FAM174C: variants seen among roughly 807,000 people sequenced by gnomAD.
FAM174C encodes the protein protein FAM174C.
A neutral mutation model predicts 12.3 loss-of-function variants in FAM174C; 19 were observed. The ratio of observed to expected loss-of-function variants is 1.55; its 90% CI spans 1.08 to 2.27. The LOEUF is 2.27. Ranked by LOEUF, FAM174C falls within the 30% of genes most tolerant of loss-of-function variation. The pLI, the probability that FAM174C is intolerant of heterozygous loss-of-function variation, is 0.00. For synonymous variants in FAM174C, 147 were observed against 103.5 expected, an observed-to-expected ratio of 1.42 and a Z score of -2.55; for missense variants, 239 against 190.2, an observed-to-expected ratio of 1.26 and a Z score of -1.51.
chr19:1,275,685 A>G lies in FAM174C; in HGVS notation c.136A>G (p.Thr46Ala). Residue 46 changes from threonine (T) to alanine (A), a missense_variant, in exon 1 of 3, where the codon ACG (threonine) becomes GCG (alanine). Physicochemically the swap from Thr to Ala is moderately conservative, Grantham distance 58 (BLOSUM62 0). Transcript: ENST00000409293. ...QVTLSPPPAV[T>A]NGSQPGAPHN... ...CACGTTGTCGCCGCCGCCGGCCGTGACGAACGGGAGCCAGCCGGGCGCGCC... is the reference window on the plus strand; with the variant it reads ...CACGTTGTCGCCGCCGCCGGCCGTGGCGAACGGGAGCCAGCCGGGCGCGCC... 6.8e-7 allele frequency: 1 copy of G among 1,467,614 alleles called. No homozygotes were observed. Among genetic ancestry groups the G allele is most frequent in the Non-Finnish European group, 8.9e-7 (1 of 1,120,726 alleles). 90.9% of individuals were successfully genotyped at this position (1,467,614 alleles called of 1,614,324 possible).
At chr19:1,275,886 T>C in intron 1 of FAM174C, 56 bp downstream of exon 1, 12 of 1,471,926 alleles carry the variant, frequency 8.2e-6, no homozygotes, top group Non-Finnish European at 1.1e-5. Context: ...AGCGCGCGCC[T>C]AGTGCGTCAC....
At chr19:1,277,434 C>A (rs1568848537) in intron 2 of FAM174C, 135 bp downstream of exon 2, 5 of 1,348,980 alleles carry the variant, frequency 3.7e-6, no homozygotes, top group Non-Finnish European at 3.9e-6. Context: ...GCCATGGCCC[C>A]ACTGGGCAGG....
rs1279194124 is a variant in FAM174C at position 1,275,735 on chromosome 19, G to T, written c.186G>T (p.Pro62=). The change falls in exon 1 of 3, where the codon CCG becomes CCT. Residue 62 remains proline, a synonymous_variant. Transcript: ENST00000409293. ...GAPHNSTHTR[P]PGASGSALTR... ...CACACAACAGCACGCACACGCGTCC[G>T]CCGGGGGCGTCGGGCTCGGCGCTGA... The T allele has an allele frequency of 2.0e-6, 3 of 1,533,840 alleles. No individual in the cohort carries two copies. The highest frequency in any genetic ancestry group is 2.0e-5 in the Admixed American group (1 of 50,472).
At chr19:1,277,321 T>C in intron 2 of FAM174C, 22 bp downstream of exon 2, 3 of 1,530,052 alleles carry the variant, frequency 2.0e-6, no homozygotes, top group Middle Eastern at 1.7e-4. Flanking sequence ...TCCCCAGCTC[T>C]GGGGCCTCGG....
chr19:1,277,325 G>A, intron 2 of FAM174C, 26 bp downstream of exon 2: 1 of 1,528,612 alleles, frequency 6.5e-7, no homozygotes, highest in Non-Finnish European at 8.9e-7. Flanking sequence ...CAGCTCTGGG[G>A]CCTCGGTGGG....
At position 1,275,761 on chromosome 19, in the gene FAM174C, C is replaced by CG; in HGVS notation, c.213dup (p.Arg72AlafsTer23). ...CCGGGGGCGTCGGGCTCGGCGCTGA[C>CG]GCGCTCCTTCTACGTGATCCTGGGC... On this transcript the variant is annotated frameshift_variant, in exon 1 of 3. Transcript: ENST00000409293. LOFTEE classifies it high-confidence loss of function. The CG allele has an allele frequency of 6.5e-7, 1 of 1,538,970 alleles. No homozygotes were observed. The highest frequency in any genetic ancestry group is 8.7e-7 in the Non-Finnish European group (1 of 1,145,910).
At position 1,277,086 on chromosome 19, in the gene FAM174C, C is replaced by A. The variant is rs954284705; in HGVS notation, c.282-97C>A. 2.4e-5 allele frequency: 35 copies of A among 1,449,346 alleles called. No homozygotes were observed. The African/African-American group carries it at 3.4e-4, about 14-fold the overall frequency. 89.8% of individuals were successfully genotyped at this position (1,449,346 alleles called of 1,614,324 possible). ...AACCAGGGAGGTCTGCAGCAGGGCT[C>A]GGGGCTCCAGTAGAGGACGGCAATG... is the stretch of plus-strand genomic sequence containing the variant. On this transcript the variant is annotated intron_variant, in intron 1 of 2. Transcript: ENST00000409293.
chr19:1,275,873 A>G, intron 1 of FAM174C, 43 bp downstream of exon 1: 1 of 1,517,380 alleles, frequency 6.6e-7, no homozygotes, highest in Non-Finnish European at 8.8e-7. Context: ...GCCTTGGCCA[A>G]TTAGCGCGCG....
In FAM174C at chr19:1,278,984, C is replaced by T; in HGVS notation, c.*207C>T. On this transcript the variant is annotated 3_prime_UTR_variant, in exon 3 of 3. Transcript: ENST00000409293. ...CACCTGCACCCACCGCTGGACCATG[C>T]AGCCTCGCCTCCTGGATGCTGTCCC... 5 of 1,612,310 alleles carry T rather than the reference C, an allele frequency of 3.1e-6. No individual in the cohort carries two copies. Among genetic ancestry groups the T allele is most frequent in the Non-Finnish European group, 3.4e-6 (4 of 1,179,960 alleles).
At chr19:1,275,891 C>T (rs918322481) in intron 1 of FAM174C, 61 bp downstream of exon 1, 71 of 1,463,968 alleles carry the variant, frequency 4.8e-5, no homozygotes, top group Non-Finnish European at 6.2e-5. Flanking sequence ...GCGCCTAGTG[C>T]GTCACGTGCC....
At chr19:1,277,966 G>C (rs1429279602) in intron 2 of FAM174C, 1 of 152,384 alleles carries the variant, frequency 6.6e-6, no homozygotes, top group Non-Finnish European at 1.5e-5. Context: ...GTAGAGACAG[G>C]GTTTCACCAT....
chr19:1,275,970 T>G (rs1376930277), intron 1 of FAM174C, 140 bp downstream of exon 1: 3 of 799,902 alleles, frequency 3.8e-6, no homozygotes, highest in Admixed American at 5.7e-5. Flanking sequence ...GCGTGGGCGG[T>G]GCTGTGCGGG....
chr19:1,275,855 G>A (rs962327733), intron 1 of FAM174C, 25 bp downstream of exon 1: 70 of 1,531,190 alleles, frequency 4.6e-5, no homozygotes, highest in Non-Finnish European at 6.1e-5. Flanking sequence ...CGTGGGCGCC[G>A]TCTCTCAGCC....
Position 1,275,804 on chromosome 19 carries a change from G to T in FAM174C, c.255G>T (p.Ala85=), listed in dbSNP as rs925364734. ...TCCTGGGCTTCTGCGGCCTGACCGC[G>T]CTCTACTTCCTGATCCGGGCGTTTA... The part of the protein sequence containing the change: ...YVILGFCGLT[A]LYFLIRAFRL... The change falls in exon 1 of 3, where the codon GCG becomes GCT. Residue 85 remains alanine, a synonymous_variant. Coordinates refer to ENST00000409293, the MANE Select transcript of FAM174C (RefSeq NM_017914.4). 1 of 1,538,050 alleles carries T rather than the reference G, an allele frequency of 6.5e-7. No individual in the cohort carries two copies. Among genetic ancestry groups the T allele is most frequent in the Admixed American group, 2.0e-5 (1 of 50,970 alleles).
rs1327946361 is a variant in FAM174C, at chr19:1,275,814, C to A, written c.265C>A (p.Leu89Met). ...GFCGLTALYFLIRAFRLKKPQ... is the reference protein window; with the variant it reads ...GFCGLTALYFMIRAFRLKKPQ... ...CTGCGGCCTGACCGCGCTCTACTTC[C>A]TGATCCGGGCGTTTAGGTGCGTCAG... Residue 89 changes from leucine to methionine, a missense_variant, in exon 1 of 3, where the codon CTG becomes ATG. Transcript: ENST00000409293. The A allele has an allele frequency of 1.3e-6, 2 of 1,537,418 alleles. No individual in the cohort carries two copies. The highest frequency in any genetic ancestry group is 1.7e-6 in the Non-Finnish European group (2 of 1,146,252).
intron 2 of FAM174C, 55 bp downstream of exon 2, chr19:1,277,354 C>T (rs1279941278): frequency 1.3e-6 from 2 of 1,519,404 alleles, no homozygotes; most frequent in East Asian, 2.5e-5. Context: ...GCTGGAGACT[C>T]AGCAGGACCC....
intron 1 of FAM174C, 99 bp from the exon 2 acceptor site, chr19:1,277,084 C>G: frequency 6.9e-7 from 1 of 1,447,512 alleles, no homozygotes; most frequent in Non-Finnish European, 9.2e-7. Flanking sequence ...TGCAGCAGGG[C>G]TCGGGGCTCC....
rs749720427 is a variant in FAM174C, at chr19:1,278,855, C to T, written c.*78C>T. 6 of 1,613,006 alleles carry T rather than the reference C, an allele frequency of 3.7e-6. No individual in the cohort carries two copies. In the Admixed American group the frequency reaches 5.0e-5, roughly 13 times the overall value. On this transcript the variant is annotated 3_prime_UTR_variant, in exon 3 of 3. Transcript: ENST00000409293. ...TGGGGCCCACCCCAGTGCCCAGCAA[C>T]CCCCTGCTCCACCGCTCATTCCCCT... is the stretch of plus-strand genomic sequence containing the variant.
chr19:1,276,889 G>A lies in FAM174C; in HGVS notation c.282-294G>A, dbSNP rs143394250. The A allele has an allele frequency of 8.9e-3, 1,995 of 224,108 alleles. 9 individuals are homozygous for A. Among genetic ancestry groups the A allele is most frequent in the Non-Finnish European group, 0.012 (1,403 of 114,408 alleles). 13.9% of individuals were successfully genotyped at this position (224,108 alleles called of 1,614,324 possible). A position where few individuals can be genotyped will look rare whatever the true frequency, so the allele number is the denominator to read the frequency against. ...TTGGCAAAGTCTCACCCCTGTGTGAGCCTCAGTCTTTTCATCAGTGCAATG... is the reference window on the plus strand; with the variant it reads ...TTGGCAAAGTCTCACCCCTGTGTGAACCTCAGTCTTTTCATCAGTGCAATG... On this transcript the variant is annotated intron_variant, in intron 1 of 2. Transcript: ENST00000409293.
Sources: gnomAD v4.1 joint callset for allele counts on GRCh38, gnomAD v4.1.1 for gene constraint, MANE v1.5 for transcripts, NCBI Gene and HGNC (gene_info 2026-07-23, HGNC 2026-07-21) for gene names.